Variants in SLC39A8 observed in about 807,000 individuals in gnomAD.
SLC39A8 encodes metal cation symporter ZIP8.
A neutral mutation model predicts 40.4 loss-of-function variants in SLC39A8; 15 were observed. That is an observed-to-expected ratio of 0.37 (90% CI 0.25 to 0.57). SLC39A8 has a LOEUF of 0.57. Ranked by LOEUF, SLC39A8 falls within the 20% of genes least tolerant of loss-of-function variation. The pLI is 0.75. For synonymous variants in SLC39A8, 223 were observed against 221.6 expected (o/e 1.01, Z -0.06); for missense variants, 472 against 558.8 (o/e 0.84, Z 1.57).
intron 6 of SLC39A8, among the ~76,000 whole-genome samples, chr4:102,295,283 T>G (rs1733635054): frequency 6.6e-6 from 1 of 151,506 alleles, no homozygotes; most frequent in Non-Finnish European, 1.5e-5. Flanking sequence ...GGAATTGTGT[T>G]TGCATGGACC....
chr4:102,320,784 G>T (rs1485010995), intron 2 of SLC39A8, among the ~76,000 whole-genome samples: 2 of 141,474 alleles, frequency 1.4e-5, no homozygotes, highest in Non-Finnish European at 3.1e-5. Context: ...ATATATATGA[G>T]AAAAAATATA....
chr4:102,292,831 C>G (rs984362615), intron 6 of SLC39A8, among the ~76,000 whole-genome samples: 5 of 151,968 alleles, frequency 3.3e-5, no homozygotes, highest in African/African-American at 1.2e-4. Context: ...TAATGCATAC[C>G]TACTCTTAGT....
intron 2 of SLC39A8, among the ~76,000 whole-genome samples, chr4:102,325,332 A>G (rs1241201810): frequency 1.3e-5 from 2 of 152,126 alleles, no homozygotes; most frequent in African/African-American, 4.8e-5. Context: ...AGGTTTTCTT[A>G]CACTTCTTAC....
intron 6 of SLC39A8, among the ~76,000 whole-genome samples, chr4:102,271,042 G>A (rs910837569): frequency 6.6e-6 from 1 of 151,898 alleles, no homozygotes; most frequent in Non-Finnish European, 1.5e-5. Flanking sequence ...GGAGGAGGAG[G>A]AAGACAAGTA....
chr4:102,261,169 A>T (rs916166630), downstream of SLC39A8, among the ~76,000 whole-genome samples: 1 of 152,198 alleles, frequency 6.6e-6, no homozygotes, highest in Non-Finnish European at 1.5e-5. Flanking sequence ...AACCTCTTGT[A>T]CCGTAATGGA....
intron 2 of SLC39A8, among the ~76,000 whole-genome samples, chr4:102,322,670 A>T (rs1217990447): frequency 6.6e-6 from 1 of 151,642 alleles, no homozygotes; most frequent in Non-Finnish European, 1.5e-5. Context: ...CAGAAATGAA[A>T]TATCATCCCA....
At chr4:102,282,720 TTTTGTTTG>T (rs1162165888) in intron 6 of SLC39A8, among the ~76,000 whole-genome samples, 2 of 151,960 alleles carry the variant, frequency 1.3e-5, no homozygotes, top group African/African-American at 4.8e-5. Flanking sequence ...CAAGGCAGTT[TTTTGTTTG>T]TTTGTTTGTT....
At chr4:102,343,613 T>C (rs914646547) in intron 2 of SLC39A8, among the ~76,000 whole-genome samples, 3 of 152,224 alleles carry the variant, frequency 2.0e-5, no homozygotes, top group Non-Finnish European at 4.4e-5. Context: ...CTACACTTTG[T>C]CTACTTAACA....
intron 2 of SLC39A8, among the ~76,000 whole-genome samples, chr4:102,319,408 T>G (rs57040664): frequency 0.02 from 3,096 of 152,294 alleles, 94 homozygotes; most frequent in African/African-American, 0.069. Flanking sequence ...CAGGCTCCTC[T>G]GAGCCCAGGC....
chr4:102,302,797 T>C (rs1485091713), intron 6 of SLC39A8, among the ~76,000 whole-genome samples: 2 of 152,030 alleles, frequency 1.3e-5, no homozygotes, highest in African/African-American at 4.8e-5. Context: ...CATCTAACGT[T>C]CTAGGCATAG....
At chr4:102,259,478 G>A (rs1307997862), downstream of SLC39A8, 11 of 1,548,338 alleles carry the variant, frequency 7.1e-6, no homozygotes, top group Non-Finnish European at 9.6e-6. Flanking sequence ...AGTAAATGAA[G>A]TTGAGATTTG....
intron 6 of SLC39A8, among the ~76,000 whole-genome samples, chr4:102,274,356 T>C (rs921277679): frequency 6.6e-6 from 1 of 152,028 alleles, no homozygotes; most frequent in African/African-American, 2.4e-5. Context: ...ATATCAGAAA[T>C]TGAAGATCAA....
intron 3 of SLC39A8, among the ~76,000 whole-genome samples, chr4:102,308,154 G>A (rs1734273166): frequency 6.6e-6 from 1 of 152,016 alleles, no homozygotes; most frequent in Non-Finnish European, 1.5e-5. Flanking sequence ...TCTCCTCAGA[G>A]AAGGTGGCAC....
chr4:102,324,503 A>G (rs1323479784), intron 2 of SLC39A8, among the ~76,000 whole-genome samples: 1 of 150,426 alleles, frequency 6.6e-6, no homozygotes, highest in African/African-American at 2.4e-5. Flanking sequence ...TTGCTTTTTC[A>G]TAATTTTGTT....
chr4:102,326,371 C>A (rs1163280973), intron 2 of SLC39A8, among the ~76,000 whole-genome samples: 1 of 152,140 alleles, frequency 6.6e-6, no homozygotes, highest in Non-Finnish European at 1.5e-5. Flanking sequence ...ACCATCCTGG[C>A]TAACACGGTG....
chr4:102,341,884 A>T (rs1468802779), intron 2 of SLC39A8, among the ~76,000 whole-genome samples: 1 of 152,244 alleles, frequency 6.6e-6, no homozygotes, highest in Non-Finnish European at 1.5e-5. Flanking sequence ...TTGAAAACTA[A>T]ATCTTGTAGA....
chr4:102,305,013 C>T lies in SLC39A8; in HGVS notation c.651G>A (p.Lys217=). 6.2e-7 allele frequency: 1 copy of T among 1,606,448 alleles called. No homozygotes were observed. Among genetic ancestry groups the T allele is most frequent in the Non-Finnish European group, 8.5e-7 (1 of 1,174,522 alleles). ...CCTGACCATATGTCTTTAATAACAT[C>T]TTTAGCATTCTTTCAAAAAAGAAAA... ...YLLFFFERML[K]MLLKTYGQNG... The change falls in exon 5 of 9, where the codon AAG becomes AAA. Residue 217 remains lysine (K), a synonymous_variant. Coordinates refer to ENST00000356736, the MANE Select transcript of SLC39A8 (RefSeq NM_001135146.2).
intron 6 of SLC39A8, among the ~76,000 whole-genome samples, chr4:102,296,526 C>T (rs1733683628): frequency 6.6e-6 from 1 of 151,964 alleles, no homozygotes; most frequent in African/African-American, 2.4e-5. Flanking sequence ...GCATAGTTGA[C>T]CCATAAGAAA....
chr4:102,286,101 T>C (rs961277873), intron 6 of SLC39A8, among the ~76,000 whole-genome samples: 19 of 152,030 alleles, frequency 1.2e-4, no homozygotes, highest in African/African-American at 4.6e-4. Flanking sequence ...ACATCCTTTA[T>C]AAGGCAATCT....
Sources: allele counts gnomAD v4.1 joint callset (sites outside exome capture counted in the v4.1 genomes callset), GRCh38; gene constraint gnomAD v4.1.1; transcripts MANE v1.5; gene names NCBI Gene and HGNC (gene_info 2026-07-23, HGNC 2026-07-21).